CSMD3: variants seen among roughly 807,000 people sequenced by gnomAD.
CSMD3 encodes CUB and Sushi multiple domains 3.
CSMD3 carries 177 observed loss-of-function variants against 435.2 expected under a neutral mutation model. The observed-to-expected ratio is 0.41, with a 90% confidence interval of 0.36 to 0.46. The LOEUF (loss-of-function observed/expected upper bound fraction) is 0.46. Ranked by LOEUF, CSMD3 falls within the 20% of genes least tolerant of loss-of-function variation. The probability of loss-of-function intolerance (pLI) is 0.34; values close to 1 mark genes in which losing one functional copy is unlikely to be tolerated. For missense variants in CSMD3, 4,265 were observed against 4,504.6 expected, an observed-to-expected ratio of 0.95 and a Z score of 1.52; for synonymous variants, 1,656 against 1,520.5, an observed-to-expected ratio of 1.09 and a Z score of -2.07.
intron 40 of CSMD3, among the ~76,000 whole-genome samples, chr8:112,348,110 G>C (rs1361856534): frequency 6.6e-6 from 1 of 152,184 alleles, no homozygotes; most frequent in Non-Finnish European, 1.5e-5. Context: ...CAAATCATTA[G>C]AGACATATGA....
At chr8:112,794,282 A>T (rs1428371072) in intron 13 of CSMD3, among the ~76,000 whole-genome samples, 1 of 141,530 alleles carries the variant, frequency 7.1e-6, no homozygotes, top group African/African-American at 2.7e-5. Flanking sequence ...CTGGACTGAT[A>T]AACTTTTTTT....
intron 4 of CSMD3, among the ~76,000 whole-genome samples, chr8:113,099,499 A>G (rs1231626559): frequency 1.3e-5 from 2 of 152,106 alleles, no homozygotes; most frequent in Non-Finnish European, 2.9e-5. Context: ...AAAATATATC[A>G]CATATCCAGG....
chr8:113,330,255 T>C (rs1173501835), intron 1 of CSMD3, among the ~76,000 whole-genome samples: 1 of 152,000 alleles, frequency 6.6e-6, no homozygotes, highest in Admixed American at 6.5e-5. Flanking sequence ...TGAACTAGAA[T>C]GTTGAAGTAA....
At chr8:112,435,926 C>A (rs1371006948) in intron 32 of CSMD3, among the ~76,000 whole-genome samples, 1 of 151,864 alleles carries the variant, frequency 6.6e-6, no homozygotes, top group African/African-American at 2.4e-5. Context: ...GACCATAATG[C>A]ATTTACTATA....
intron 1 of CSMD3, among the ~76,000 whole-genome samples, chr8:113,323,999 C>T (rs2093966468): frequency 6.6e-6 from 1 of 152,074 alleles, no homozygotes; most frequent in South Asian, 2.1e-4. Context: ...TGTGTCCCCA[C>T]CCAAATCTCA....
intron 11 of CSMD3, among the ~76,000 whole-genome samples, chr8:112,847,054 T>C (rs1027122170): frequency 6.6e-6 from 1 of 152,102 alleles, no homozygotes; most frequent in African/African-American, 2.4e-5. Context: ...ACTCTGCTAC[T>C]AGGTTCTTTC....
At chr8:113,357,026 C>T (rs1361321528) in intron 1 of CSMD3, among the ~76,000 whole-genome samples, 1 of 151,880 alleles carries the variant, frequency 6.6e-6, no homozygotes, top group African/African-American at 2.4e-5. Context: ...CTTAAAAACT[C>T]CTTAGACCTC....
chr8:112,477,375 C>T (rs1297338495), intron 31 of CSMD3, among the ~76,000 whole-genome samples: 2 of 152,098 alleles, frequency 1.3e-5, no homozygotes, highest in African/African-American at 4.8e-5. Flanking sequence ...GAATAGCAAA[C>T]CCATGTCTAA....
chr8:112,234,915 G>T (rs1348358951), intron 67 of CSMD3, among the ~76,000 whole-genome samples: 1 of 152,124 alleles, frequency 6.6e-6, no homozygotes, highest in Non-Finnish European at 1.5e-5. Flanking sequence ...GAGCCACAAA[G>T]ATGAATATAT....
At chr8:112,803,520 C>A (rs1041144977) in intron 12 of CSMD3, among the ~76,000 whole-genome samples, 1 of 152,092 alleles carries the variant, frequency 6.6e-6, no homozygotes, top group East Asian at 1.9e-4. Context: ...TATGAAGGAA[C>A]GTGCTTGGGG....
intron 13 of CSMD3, among the ~76,000 whole-genome samples, chr8:112,710,753 G>T (rs2131917319): frequency 6.6e-6 from 1 of 150,860 alleles, no homozygotes; most frequent in South Asian, 2.1e-4. Context: ...TTCTTGTTTA[G>T]GGTGGGTAAA....
chr8:113,266,405 T>C (rs2093471638), intron 3 of CSMD3, among the ~76,000 whole-genome samples: 1 of 151,324 alleles, frequency 6.6e-6, no homozygotes, highest in South Asian at 2.1e-4. Context: ...GTTTAAGCAA[T>C]GTTTTTTGTT....
intron 3 of CSMD3, among the ~76,000 whole-genome samples, chr8:113,243,206 T>C (rs998512600): frequency 3.3e-5 from 5 of 151,984 alleles, no homozygotes; most frequent in Non-Finnish European, 1.5e-5. Context: ...TAAAATTATT[T>C]ATCCACACAT....
chr8:112,244,091 T>G (rs1022686222), intron 65 of CSMD3, among the ~76,000 whole-genome samples: 2 of 152,092 alleles, frequency 1.3e-5, no homozygotes, highest in African/African-American at 4.8e-5. Context: ...CCTATTATGT[T>G]AAGCCGCCCA....
chr8:112,354,103 T>C (rs188252458), intron 38 of CSMD3, among the ~76,000 whole-genome samples: 3 of 152,284 alleles, frequency 2.0e-5, no homozygotes, highest in African/African-American at 7.2e-5. Context: ...AGCCATATGA[T>C]CATTTCAATA....
At chr8:113,292,453 G>A (rs946448127) in intron 2 of CSMD3, among the ~76,000 whole-genome samples, 1 of 151,698 alleles carries the variant, frequency 6.6e-6, no homozygotes, top group African/African-American at 2.4e-5. Context: ...CTTAAACTAT[G>A]TACTGATGTG....
At position 112,589,166 on chromosome 8, in the gene CSMD3, C is replaced by A. The variant is rs568112974; in HGVS notation, c.3716-1931G>T. ...CTGGTTAAAATACACTGATGATCAG[C>A]AAGTCAAAATCCAGAGAATGTCATA... On this transcript the variant is annotated intron_variant, in intron 22 of 70. Transcript: ENST00000297405. 2.0e-5 allele frequency among the ~76,000 whole-genome samples: 3 copies of A among 152,242 alleles called. No homozygotes were observed. The South Asian group carries it at 6.2e-4, about 32-fold the overall frequency.
chr8:113,328,280 T>C (rs2093999329), intron 1 of CSMD3, among the ~76,000 whole-genome samples: 3 of 150,366 alleles, frequency 2.0e-5, no homozygotes, highest in Admixed American at 2.0e-4. Flanking sequence ...CTACTAAAAA[T>C]ACAAAAAATT....
intron 13 of CSMD3, among the ~76,000 whole-genome samples, chr8:112,722,085 G>T (rs567678913): frequency 2.0e-5 from 3 of 151,584 alleles, no homozygotes; most frequent in African/African-American, 2.4e-5. Context: ...AGGCTGTGTA[G>T]GGAATTATAT....
Sources: gnomAD v4.1 joint callset for allele counts (sites outside exome capture counted in the v4.1 genomes callset) on GRCh38, gnomAD v4.1.1 for gene constraint, MANE v1.5 for transcripts, NCBI Gene and HGNC (gene_info 2026-07-23, HGNC 2026-07-21) for gene names.